Variants in CNTNAP2 observed in about 807,000 individuals in gnomAD.
CNTNAP2 encodes contactin associated protein 2.
A neutral mutation model predicts 155.2 loss-of-function variants in CNTNAP2; 98 were observed. That is an observed-to-expected ratio of 0.63 (90% confidence interval 0.54 to 0.75). The LOEUF is 0.75. Among genes scored for constraint, CNTNAP2 ranks in the 30% least tolerant of loss-of-function variants. The pLI is 0.00. For synonymous variants in CNTNAP2, 651 were observed against 631.2 expected, an observed-to-expected ratio of 1.03 and a Z score of -0.47; for missense variants, 1,727 against 1,688.1, an observed-to-expected ratio of 1.02 and a Z score of -0.40.
intron 4 of CNTNAP2, among the ~76,000 whole-genome samples, chr7:147,048,179 A>C (rs79992116): frequency 6.9e-6 from 1 of 144,134 alleles, no homozygotes; most frequent in African/African-American, 2.6e-5. Flanking sequence ...GGTTCACGCC[A>C]TTCTCCTGGG....
chr7:146,419,105 G>A (rs890944215), intron 1 of CNTNAP2, among the ~76,000 whole-genome samples: 6 of 152,068 alleles, frequency 3.9e-5, no homozygotes, highest in African/African-American at 1.4e-4. Context: ...AAGAAAAAGA[G>A]GTTCGGTGGA....
chr7:147,126,989 A>G (rs547153177), intron 6 of CNTNAP2, among the ~76,000 whole-genome samples: 209 of 152,280 alleles, frequency 1.4e-3, no homozygotes, highest in Middle Eastern at 3.4e-3. Context: ...GCAGAAAGTG[A>G]AAGGTCCGAA....
intron 2 of CNTNAP2, among the ~76,000 whole-genome samples, chr7:146,814,700 T>G (rs745727752): frequency 4.1e-4 from 62 of 152,138 alleles, no homozygotes; most frequent in Non-Finnish European, 8.1e-4. Context: ...TGACTGGCTG[T>G]CTGGATGCTA....
rs1407040558 is a variant in CNTNAP2 at position 147,270,975 on chromosome 7, A to G, written c.1349-29166A>G. Among the ~76,000 whole-genome samples the G allele has an allele frequency of 5.3e-5, 8 of 152,330 alleles. No homozygotes were observed. The East Asian group carries it at 1.2e-3, about 22-fold the overall frequency. The stretch of plus-strand genomic sequence containing the variant: ...CCCCTAGGAAGCCCCCACCAGAGAC[A>G]AAACTAGAGCCGCTTTTTATACCTG... On this transcript the variant is annotated intron_variant, in intron 8 of 23. Coordinates refer to ENST00000361727, the MANE Select transcript of CNTNAP2 (RefSeq NM_014141.6).
At chr7:146,965,828 T>C (rs545513926) in intron 3 of CNTNAP2, among the ~76,000 whole-genome samples, 1 of 152,320 alleles carries the variant, frequency 6.6e-6, no homozygotes, top group African/African-American at 2.4e-5. Context: ...CGCACACTTT[T>C]GAGTACAACA....
At chr7:147,378,935 C>T (rs113604526) in intron 9 of CNTNAP2, among the ~76,000 whole-genome samples, 3,834 of 152,092 alleles carry the variant, frequency 0.025, 182 homozygotes, top group African/African-American at 0.088. Flanking sequence ...CCCTACATGT[C>T]GTGGGAGGGA....
chr7:147,138,847 T>A (rs1201634291), intron 8 of CNTNAP2, among the ~76,000 whole-genome samples: 1 of 152,044 alleles, frequency 6.6e-6, no homozygotes, highest in Non-Finnish European at 1.5e-5. Flanking sequence ...GTATAATAAT[T>A]TTTTAAAATT....
At chr7:146,364,036 G>T (rs565391853) in intron 1 of CNTNAP2, among the ~76,000 whole-genome samples, 1 of 152,250 alleles carries the variant, frequency 6.6e-6, no homozygotes, top group East Asian at 1.9e-4. Context: ...GGTTGATAAA[G>T]GATGGAAAAG....
At chr7:147,540,903 G>A (rs138602522) in intron 11 of CNTNAP2, among the ~76,000 whole-genome samples, 11 of 152,184 alleles carry the variant, frequency 7.2e-5, no homozygotes, top group East Asian at 1.9e-4. Flanking sequence ...TTGGTGCAGC[G>A]TAATCCAGTG....
At chr7:147,573,263 A>G (rs1204296874) in intron 12 of CNTNAP2, among the ~76,000 whole-genome samples, 1 of 152,176 alleles carries the variant, frequency 6.6e-6, no homozygotes, top group African/African-American at 2.4e-5. Flanking sequence ...TGCTGCATTT[A>G]CGTACAGACA....
intron 3 of CNTNAP2, among the ~76,000 whole-genome samples, chr7:146,876,828 A>C (rs966458702): frequency 6.6e-6 from 1 of 152,194 alleles, no homozygotes; most frequent in South Asian, 2.1e-4. Context: ...AAAGTCTGGA[A>C]GGCTCAGAAA....
At chr7:148,231,988 C>T (rs185360071) in intron 20 of CNTNAP2, among the ~76,000 whole-genome samples, 45 of 152,278 alleles carry the variant, frequency 3.0e-4, no homozygotes, top group African/African-American at 9.9e-4. Context: ...GGTTCTGCAC[C>T]TGGAAGTGTT....
At chr7:148,096,878 A>C (rs1045116108) in intron 15 of CNTNAP2, among the ~76,000 whole-genome samples, 2 of 152,136 alleles carry the variant, frequency 1.3e-5, no homozygotes, top group Non-Finnish European at 2.9e-5. Flanking sequence ...AACTCAAATA[A>C]TCATTAGCCA....
intron 15 of CNTNAP2, among the ~76,000 whole-genome samples, chr7:148,022,408 G>A (rs1167409588): frequency 6.7e-6 from 1 of 150,074 alleles, no homozygotes; most frequent in East Asian, 2.0e-4. Context: ...GGCGGAAGTT[G>A]CAGTGAGCCG....
chr7:147,060,305 G>A (rs1349363966), intron 4 of CNTNAP2, among the ~76,000 whole-genome samples: 1 of 152,164 alleles, frequency 6.6e-6, no homozygotes, highest in Non-Finnish European at 1.5e-5. Context: ...GTGTTGAACA[G>A]CCATTGCAAA....
At position 146,804,413 on chromosome 7, in the gene CNTNAP2, T is replaced by C. The variant is rs559521669; in HGVS notation, c.208+30032T>C. Among the ~76,000 whole-genome samples, 6 of 152,268 alleles carry C rather than the reference T, an allele frequency of 3.9e-5. No individual in the cohort carries two copies. The South Asian group carries it at 1.2e-3, about 32-fold the overall frequency. Reference sequence around the variant, plus strand: ...GAATGTTTCTTGCTAAACTCTGTGGTTGGTTTTGGGAGGATGTGTAAAATC... The same window carrying C: ...GAATGTTTCTTGCTAAACTCTGTGGCTGGTTTTGGGAGGATGTGTAAAATC... On this transcript the variant is annotated intron_variant, in intron 2 of 23. Transcript: ENST00000361727.
chr7:147,015,002 C>T (rs141505813), intron 3 of CNTNAP2, among the ~76,000 whole-genome samples: 17 of 151,804 alleles, frequency 1.1e-4, no homozygotes, highest in East Asian at 9.7e-4. Context: ...TATTTGTAAA[C>T]GCTAAGGAAT....
At chr7:147,981,893 G>A (rs947195723) in intron 15 of CNTNAP2, among the ~76,000 whole-genome samples, 1 of 151,090 alleles carries the variant, frequency 6.6e-6, no homozygotes, top group African/African-American at 2.4e-5. Flanking sequence ...GACACTGAAA[G>A]TATGAGTGGT....
chr7:146,311,676 A>G (rs1278745958), intron 1 of CNTNAP2: 2 of 147,980 alleles, frequency 1.4e-5, no homozygotes, highest in East Asian at 1.9e-4. Context: ...GAAAGGAAAG[A>G]GAAAGAAAAG....
Sources: gnomAD v4.1 joint callset for allele counts (sites outside exome capture counted in the v4.1 genomes callset) on GRCh38, gnomAD v4.1.1 for gene constraint, MANE v1.5 for transcripts, NCBI Gene and HGNC (gene_info 2026-07-23, HGNC 2026-07-21) for gene names.